FAM3C: variants seen among roughly 807,000 people sequenced by gnomAD.
The protein encoded by FAM3C is protein FAM3C.
A neutral mutation model predicts 32.5 loss-of-function variants in FAM3C; 15 were observed. The ratio of observed to expected loss-of-function variants is 0.46; its 90% CI spans 0.31 to 0.71. The LOEUF (loss-of-function observed/expected upper bound fraction) is 0.71. FAM3C is among the 30% of genes least tolerant of loss of function. FAM3C has a pLI of 0.05. For missense variants in FAM3C, 175 were observed against 274.4 expected (o/e 0.64, Z 2.56); for synonymous variants, 75 against 86.1 (o/e 0.87, Z 0.72).
chr7:121,351,460 A>G, intron 8 of FAM3C, 191 bp from the exon 9 acceptor site: 4 of 488,236 alleles, frequency 8.2e-6, no homozygotes, highest in Non-Finnish European at 1.1e-5. Context: ...CATGAACTCC[A>G]ACAATTAATT....
chr7:121,392,409 T>C (rs2116977192), intron 1 of FAM3C, among the ~76,000 whole-genome samples: 1 of 152,132 alleles, frequency 6.6e-6, no homozygotes, highest in South Asian at 2.1e-4. Flanking sequence ...AGGAAAAACT[T>C]CCATTTGTAA....
chr7:121,390,942 T>G (rs1320262702), intron 1 of FAM3C, among the ~76,000 whole-genome samples: 1 of 147,756 alleles, frequency 6.8e-6, no homozygotes, highest in Non-Finnish European at 1.5e-5. Context: ...TCATTCTTTC[T>G]GGAACAGTCA....
At chr7:121,385,317 C>T (rs976913495) in intron 1 of FAM3C, among the ~76,000 whole-genome samples, 18 of 152,162 alleles carry the variant, frequency 1.2e-4, no homozygotes, top group Non-Finnish European at 2.2e-4. Context: ...AAAAGTGTTA[C>T]ATAGGCCAAA....
chr7:121,367,165 C>T (rs1027911191), intron 5 of FAM3C, among the ~76,000 whole-genome samples: 1 of 152,100 alleles, frequency 6.6e-6, no homozygotes, highest in Non-Finnish European at 1.5e-5. Flanking sequence ...TTCTTTTATC[C>T]TTCATGAATA....
chr7:121,395,292 CAT>C (rs1456255085), intron 1 of FAM3C, among the ~76,000 whole-genome samples: 3 of 147,598 alleles, frequency 2.0e-5, no homozygotes, highest in Admixed American at 6.7e-5. Flanking sequence ...TATATGGATA[CAT>C]ACATATATAT....
chr7:121,391,911 T>TA lies in FAM3C; in HGVS notation c.-42+4250dup, dbSNP rs1196368730. Among the ~76,000 whole-genome samples, 18 of 152,342 alleles carry TA rather than the reference T, an allele frequency of 1.2e-4. No individual in the cohort carries two copies. In the East Asian group the frequency reaches 3.3e-3, roughly 28 times the overall value. On this transcript the variant is annotated intron_variant, in intron 1 of 9. Transcript: ENST00000359943. ...AAGCAAAATATGAAGTTACTTCTTA[T>TA]AAATGCCTATGCTAAAGAAAAAGAG...
At chr7:121,386,629 A>G (rs1235132697) in intron 1 of FAM3C, among the ~76,000 whole-genome samples, 2 of 150,958 alleles carry the variant, frequency 1.3e-5, no homozygotes, top group East Asian at 3.9e-4. Context: ...CTCCACATGT[A>G]TTATAAGGAA....
chr7:121,359,175 T>C (rs995633018), intron 8 of FAM3C, among the ~76,000 whole-genome samples: 1 of 151,968 alleles, frequency 6.6e-6, no homozygotes, highest in African/African-American at 2.4e-5. Flanking sequence ...ATCCTTTAAT[T>C]AATCATTTCC....
At chr7:121,356,841 T>C (rs1793819521) in intron 8 of FAM3C, among the ~76,000 whole-genome samples, 1 of 152,152 alleles carries the variant, frequency 6.6e-6, no homozygotes, top group East Asian at 1.9e-4. Flanking sequence ...CTTATTTTAG[T>C]GAGGGTCGGG....
Position 121,382,963 on chromosome 7 carries a change from C to T in FAM3C, c.7G>A (p.Val3Ile). The change falls in exon 2 of 10, where the codon GTA (valine) becomes ATA (isoleucine). Residue 3 changes from valine (V) to isoleucine (I), a missense_variant. Transcript: ENST00000359943. The part of the protein sequence containing the change: MR[V>I]AGAAKLVVAV... ...ACTAAATTAAATATCTTACCTGCTA[C>T]CCTCATGTTTGGTTTTTCAGTTTAT... 1 of 1,602,018 alleles carries T rather than the reference C, an allele frequency of 6.2e-7. No homozygotes were observed. Among genetic ancestry groups the T allele is most frequent in the African/African-American group, 1.3e-5 (1 of 74,532 alleles).
At chr7:121,391,305 T>G (rs1032929819) in intron 1 of FAM3C, among the ~76,000 whole-genome samples, 1 of 152,296 alleles carries the variant, frequency 6.6e-6, no homozygotes, top group Admixed American at 6.5e-5. Context: ...CTTAATCCTA[T>G]AGTACACCAT....
chr7:121,383,429 A>G (rs1794401942), intron 1 of FAM3C, among the ~76,000 whole-genome samples: 1 of 152,192 alleles, frequency 6.6e-6, no homozygotes, highest in African/African-American at 2.4e-5. Context: ...AATTGAGGTC[A>G]GCTGGCTCAC....
At chr7:121,380,733 T>TTATATA (rs66579763) in intron 2 of FAM3C, among the ~76,000 whole-genome samples, 2,719 of 133,958 alleles carry the variant, frequency 0.02, 102 homozygotes, top group African/African-American at 0.06. Context: ...TACAAACATT[T>TTATATA]TATATATATA....
chr7:121,368,883 TC>T (rs1794080870), intron 5 of FAM3C, among the ~76,000 whole-genome samples: 1 of 151,890 alleles, frequency 6.6e-6, no homozygotes, highest in Non-Finnish European at 1.5e-5. Flanking sequence ...GACACCTCTT[TC>T]CATCCACTCT....
chr7:121,376,727 G>A (rs1416421207), intron 3 of FAM3C, among the ~76,000 whole-genome samples: 1 of 152,154 alleles, frequency 6.6e-6, no homozygotes. Flanking sequence ...TGTAGTCACT[G>A]TAAGAAAAGT....
At chr7:121,371,515 T>A (rs2116917716) in intron 4 of FAM3C, 92 bp from the exon 5 acceptor site, 4 of 1,318,452 alleles carry the variant, frequency 3.0e-6, no homozygotes, top group East Asian at 4.7e-5. Context: ...CAAAGAGCAT[T>A]AAGAAAAACA....
intron 1 of FAM3C, among the ~76,000 whole-genome samples, chr7:121,383,734 C>T (rs1245176532): frequency 6.6e-6 from 1 of 151,962 alleles, no homozygotes; most frequent in African/African-American, 2.4e-5. Context: ...TGGGTGTTTT[C>T]CTCCTAAGAA....
At chr7:121,364,377 T>C in intron 5 of FAM3C, 189 bp from the exon 6 acceptor site, 1 of 487,676 alleles carries the variant, frequency 2.1e-6, no homozygotes, top group South Asian at 3.6e-5. Flanking sequence ...TTTAAAGCAA[T>C]GTCCTTAAAT....
chr7:121,362,693 C>T (rs555889812), intron 7 of FAM3C: 3 of 515,192 alleles, frequency 5.8e-6, no homozygotes, highest in South Asian at 5.7e-5. Flanking sequence ...TTATACACCA[C>T]AAAAATTTTT....
Sources: allele counts gnomAD v4.1 joint callset (sites outside exome capture counted in the v4.1 genomes callset), GRCh38; gene constraint gnomAD v4.1.1; transcripts MANE v1.5; gene names NCBI Gene and HGNC (gene_info 2026-07-23, HGNC 2026-07-21).